Variants in GSK3B observed in about 807,000 individuals in gnomAD.
GSK3B encodes the protein glycogen synthase kinase-3 beta.
In GSK3B, 15 loss-of-function variants were observed where a neutral mutation model predicts 56.4. The ratio of observed to expected loss-of-function variants is 0.27; its 90% CI spans 0.18 to 0.41. GSK3B has a LOEUF of 0.41. GSK3B is among the 10% of genes least tolerant of loss of function. GSK3B has a pLI of 1.00. For synonymous variants in GSK3B, 181 were observed against 188.9 expected, an observed-to-expected ratio of 0.96 and a Z score of 0.34; for missense variants, 300 against 513.4, an observed-to-expected ratio of 0.58 and a Z score of 4.02.
At chr3:120,079,348 ACATTT>A (rs1489771363) in intron 1 of GSK3B, among the ~76,000 whole-genome samples, 108 of 98,478 alleles carry the variant, frequency 1.1e-3, no homozygotes, top group African/African-American at 3.0e-3. Flanking sequence ...ACACACACAC[ACATTT>A]TTTTTTTTAA....
intron 9 of GSK3B, among the ~76,000 whole-genome samples, chr3:119,852,772 TTGA>T (rs1245733595): frequency 1.3e-5 from 2 of 152,196 alleles, no homozygotes; most frequent in Non-Finnish European, 2.9e-5. Flanking sequence ...TTTGATGGGG[TTGA>T]TTTTTTCTTG....
intron 1 of GSK3B, among the ~76,000 whole-genome samples, chr3:120,063,694 C>A (rs2058256396): frequency 7.1e-6 from 1 of 141,414 alleles, no homozygotes; most frequent in Admixed American, 7.6e-5. Context: ...TGCCATTACA[C>A]TGCAGCCTGG....
intron 10 of GSK3B, among the ~76,000 whole-genome samples, chr3:119,833,704 T>G (rs2055641663): frequency 6.8e-6 from 1 of 147,992 alleles, no homozygotes; most frequent in Admixed American, 6.7e-5. Flanking sequence ...TTTTTTTTTT[T>G]TTTTTTTTTT....
intron 7 of GSK3B, among the ~76,000 whole-genome samples, chr3:119,899,878 G>A (rs1044899177): frequency 4.0e-5 from 6 of 151,562 alleles, no homozygotes; most frequent in African/African-American, 1.2e-4. Flanking sequence ...CTTTTTCTAC[G>A]GATAGGCATC....
At chr3:119,897,212 C>G (rs991121774) in intron 7 of GSK3B, among the ~76,000 whole-genome samples, 3 of 152,096 alleles carry the variant, frequency 2.0e-5, no homozygotes, top group Non-Finnish European at 4.4e-5. Context: ...GTTATTTTTC[C>G]ATGCCTAGGC....
chr3:119,883,644 C>G (rs1318357852), intron 7 of GSK3B, among the ~76,000 whole-genome samples: 1 of 152,092 alleles, frequency 6.6e-6, no homozygotes, highest in African/African-American at 2.4e-5. Context: ...CCCCTGGACC[C>G]TACTGTGTTG....
chr3:119,990,656 C>T (rs980615795), intron 2 of GSK3B, among the ~76,000 whole-genome samples: 3 of 152,268 alleles, frequency 2.0e-5, no homozygotes, highest in African/African-American at 2.4e-5. Flanking sequence ...AAGCCAAGCG[C>T]GGTGGCCCAC....
intron 2 of GSK3B, among the ~76,000 whole-genome samples, chr3:119,975,362 G>A (rs543155996): frequency 1.3e-5 from 2 of 152,162 alleles, no homozygotes; most frequent in Middle Eastern, 3.4e-3. Context: ...CAGGAGAATC[G>A]CTTGAACCTG....
At chr3:119,835,441 G>T (rs1032363201) in intron 10 of GSK3B, among the ~76,000 whole-genome samples, 39 of 152,126 alleles carry the variant, frequency 2.6e-4, no homozygotes, top group African/African-American at 9.2e-4. Context: ...CCAAGAATAA[G>T]AAATTAACTA....
rs552657031 is a variant in GSK3B, at chr3:119,927,832, C to A, written c.367-4349G>T. ...CACTAAATTTAAGAAGCAGACAACA[C>A]AGGGGACTTAGCAAACATGAAGAAA... On this transcript the variant is annotated intron_variant, in intron 3 of 10. Coordinates refer to ENST00000264235, the MANE Select transcript of GSK3B (RefSeq NM_001146156.2). Among the ~76,000 whole-genome samples, 14 of 151,992 alleles carry A rather than the reference C, an allele frequency of 9.2e-5. No individual in the cohort carries two copies. In the East Asian group the frequency reaches 2.7e-3, roughly 29 times the overall value.
intron 1 of GSK3B, among the ~76,000 whole-genome samples, chr3:120,024,372 T>C (rs1396642177): frequency 6.6e-6 from 1 of 152,158 alleles, no homozygotes; most frequent in Non-Finnish European, 1.5e-5. Context: ...AATTCCAGAT[T>C]CATGGTATTT....
rs995340328 is a variant in GSK3B, at chr3:119,823,314, G to A, written c.*3474C>T. The A allele has an allele frequency of 1.4e-5, 3 of 207,768 alleles. No individual in the cohort carries two copies. Among genetic ancestry groups the A allele is most frequent in the Non-Finnish European group, 2.9e-5 (3 of 101,908 alleles). The allele number at this position is 207,768 out of a possible 1,614,324, so 12.9% of individuals were successfully genotyped here. ...CATTGAGCAAGGGTAGAGATGGCGG[G>A]AGGGAGGAAATGGGCTAAGAGTTCC... On this transcript the variant is annotated 3_prime_UTR_variant, in exon 11 of 11. Coordinates refer to ENST00000264235, the MANE Select transcript of GSK3B (RefSeq NM_001146156.2).
intron 8 of GSK3B, among the ~76,000 whole-genome samples, chr3:119,870,729 T>C (rs1477296715): frequency 1.3e-5 from 2 of 152,198 alleles, no homozygotes; most frequent in Non-Finnish European, 2.9e-5. Flanking sequence ...GAGAACATAC[T>C]ATATGTATTT....
intron 5 of GSK3B, among the ~76,000 whole-genome samples, 171 bp downstream of exon 5, chr3:119,915,873 T>C (rs1236854245): frequency 6.6e-6 from 1 of 152,178 alleles, no homozygotes; most frequent in Admixed American, 6.6e-5. Flanking sequence ...GTATATACAT[T>C]TATAATTTTG....
intron 1 of GSK3B, among the ~76,000 whole-genome samples, chr3:120,031,915 A>C (rs911061426): frequency 6.6e-6 from 1 of 152,188 alleles, no homozygotes; most frequent in Non-Finnish European, 1.5e-5. Flanking sequence ...AAGTTCTGTG[A>C]CTTTTCCTAA....
intron 1 of GSK3B, among the ~76,000 whole-genome samples, chr3:120,085,278 TA>T (rs1400689013): frequency 3.9e-5 from 6 of 152,180 alleles, no homozygotes; most frequent in Admixed American, 6.5e-5. Context: ...AATTATATCT[TA>T]TTATTAAAAG....
chr3:119,949,485 T>C (rs1270152773), intron 2 of GSK3B, among the ~76,000 whole-genome samples: 1 of 152,028 alleles, frequency 6.6e-6, no homozygotes, highest in Admixed American at 6.6e-5. Flanking sequence ...ATTCAAGAAA[T>C]AGCCAGAAAG....
At chr3:120,057,622 T>C (rs1209225727) in intron 1 of GSK3B, among the ~76,000 whole-genome samples, 2 of 152,162 alleles carry the variant, frequency 1.3e-5, no homozygotes, top group Non-Finnish European at 2.9e-5. Flanking sequence ...AAGTTCAAAA[T>C]AAGCAGTTAC....
In GSK3B at chr3:119,823,154, TTTC is replaced by T. The variant is rs1209774562; in HGVS notation, c.*3631_*3633del. On this transcript the variant is annotated 3_prime_UTR_variant, in exon 11 of 11. Transcript: ENST00000264235. Reference sequence around the variant, plus strand: ...ATAGTAACCTTTGGTTTGGTAGTTTTTTCTTCTATTCAAGACATTTTATATGGA... The same window carrying T: ...ATAGTAACCTTTGGTTTGGTAGTTTTTTCTATTCAAGACATTTTATATGGA... The T allele has an allele frequency of 4.3e-6, 1 of 230,062 alleles. No individual in the cohort carries two copies. The highest frequency in any genetic ancestry group is 5.7e-5 in the Admixed American group (1 of 17,672). The allele number at this position is 230,062 out of a possible 1,614,324, so 14.3% of individuals were successfully genotyped here.
Sources: gnomAD v4.1 joint callset for allele counts (sites outside exome capture counted in the v4.1 genomes callset) on GRCh38, gnomAD v4.1.1 for gene constraint, MANE v1.5 for transcripts, NCBI Gene and HGNC (gene_info 2026-07-23, HGNC 2026-07-21) for gene names.